ANKRD36C: variants seen among roughly 807,000 people sequenced by gnomAD.
The protein encoded by ANKRD36C is ankyrin repeat domain-containing protein 36C.
ANKRD36C carries 61 observed loss-of-function variants against 276.4 expected under a neutral mutation model. That is an observed-to-expected ratio of 0.22 (90% CI 0.18 to 0.27). The LOEUF (loss-of-function observed/expected upper bound fraction) is 0.27. Ranked by LOEUF, ANKRD36C falls within the 10% of genes least tolerant of loss-of-function variation. The pLI is 1.00. For missense variants in ANKRD36C, 1,447 were observed against 2,032.3 expected (o/e 0.71, Z 5.54); for synonymous variants, 483 against 680.1 (o/e 0.71, Z 4.51).
chr2:95,976,429 G>A (rs2104529377), intron 6 of ANKRD36C, among the ~76,000 whole-genome samples: 1 of 152,244 alleles, frequency 6.6e-6, no homozygotes, highest in East Asian at 1.9e-4. Context: ...TTTGGACAAG[G>A]TGGTTCCAGT....
At chr2:95,961,320 C>T (rs1678454802) in intron 8 of ANKRD36C, among the ~76,000 whole-genome samples, 1 of 151,974 alleles carries the variant, frequency 6.6e-6, no homozygotes, top group African/African-American at 2.4e-5. Flanking sequence ...GTTTCTTCAT[C>T]CACTCATGGC....
At chr2:95,892,463 C>T (rs1259049429) in intron 44 of ANKRD36C, among the ~76,000 whole-genome samples, 1 of 151,450 alleles carries the variant, frequency 6.6e-6, no homozygotes, top group Non-Finnish European at 1.5e-5. Context: ...AATAATCTGC[C>T]TAAGTTTCTT....
At chr2:95,914,486 C>T (rs1677032561) in intron 38 of ANKRD36C, among the ~76,000 whole-genome samples, 183 bp from the exon 41 acceptor site, 1 of 151,378 alleles carries the variant, frequency 6.6e-6, no homozygotes, top group Non-Finnish European at 1.5e-5. Context: ...GGAATACAGG[C>T]TCCATGAAAT....
intron 59 of ANKRD36C, among the ~76,000 whole-genome samples, chr2:95,871,465 A>T (rs372036024): frequency 1.3e-5 from 2 of 152,244 alleles, no homozygotes; most frequent in South Asian, 4.1e-4. Context: ...CAAGCAAATG[A>T]TGAGAGATTT....
At chr2:95,933,748 T>C (rs1045031452) in intron 24 of ANKRD36C, among the ~76,000 whole-genome samples, 2 of 152,286 alleles carry the variant, frequency 1.3e-5, no homozygotes, top group African/African-American at 4.8e-5. Context: ...TTCTTCCTAT[T>C]TGAATACCCT....
exon 61 of ANKRD36C, chr2:95,859,962 A>G (rs1402186656): frequency 6.5e-7 from 1 of 1,550,092 alleles, no homozygotes; most frequent in East Asian, 2.5e-5. Flanking sequence ...CACTAGCCTT[A>G]TTTTTCAGTT....
intron 20 of ANKRD36C, among the ~76,000 whole-genome samples, chr2:95,939,914 G>GCA (rs1677827743): frequency 6.7e-6 from 1 of 148,434 alleles, no homozygotes; most frequent in Non-Finnish European, 1.5e-5. Flanking sequence ...CAAAAAAAAA[G>GCA]TATGCATTAC....
Position 95,891,772 on chromosome 2 carries a change from A to T in ANKRD36C, c.2785-35T>A, listed in dbSNP as rs771914344. ...ATTTGAAATGAAATAATAAATTAATAAAGTATGTTTCATAGACTATACATT... is the reference window on the plus strand; with the variant it reads ...ATTTGAAATGAAATAATAAATTAATTAAGTATGTTTCATAGACTATACATT... On this transcript the variant is annotated intron_variant, in intron 45 of 66. Coordinates refer to ENST00000456556, the Ensembl canonical transcript of ANKRD36C. 45 of 1,562,486 alleles carry T rather than the reference A, an allele frequency of 2.9e-5. No individual in the cohort carries two copies. In the South Asian group the frequency reaches 5.2e-4, roughly 18 times the overall value.
intron 40 of ANKRD36C, 115 bp from the exon 43 acceptor site, chr2:95,912,550 T>G: frequency 1.3e-6 from 2 of 1,557,036 alleles, no homozygotes; most frequent in Admixed American, 3.7e-5. Flanking sequence ...GTGGAGGCTT[T>G]GATGGCTTCT....
intron 44 of ANKRD36C, among the ~76,000 whole-genome samples, chr2:95,898,457 TGTATC>T (rs1676622090): frequency 8.2e-6 from 1 of 121,286 alleles, no homozygotes; most frequent in Non-Finnish European, 1.8e-5. Flanking sequence ...CAACAAAACA[TGTATC>T]TCTGATGCCT....
chr2:95,969,740 G>C (rs1678661919), intron 6 of ANKRD36C, among the ~76,000 whole-genome samples: 1 of 152,024 alleles, frequency 6.6e-6, no homozygotes, highest in Admixed American at 6.6e-5. Context: ...TTATCACATA[G>C]CCATTTTATC....
At chr2:95,849,026 T>C (rs1675231998), downstream of ANKRD36C, among the ~76,000 whole-genome samples, 1 of 152,112 alleles carries the variant, frequency 6.6e-6, no homozygotes, top group Non-Finnish European at 1.5e-5. Flanking sequence ...ACAATTTTAT[T>C]GTCTTTTAGA....
intron 26 of ANKRD36C, 112 bp downstream of exon 26, chr2:95,928,960 A>G (rs973172273): frequency 2.0e-5 from 30 of 1,512,478 alleles, no homozygotes; most frequent in African/African-American, 2.8e-5. Context: ...AATCTCAGGC[A>G]TACTGAATCA....
At position 95,908,393 on chromosome 2, in the gene ANKRD36C, G is replaced by C. The variant is rs895661480; in HGVS notation, c.2653+3851C>G. Reference sequence around the variant, plus strand: ...ATTTGAAATGAAGAATCTCAGGACTGCTGAATCAGAATGTGCAGCTTCAAC... The same window carrying C: ...ATTTGAAATGAAGAATCTCAGGACTCCTGAATCAGAATGTGCAGCTTCAAC... On this transcript the variant is annotated intron_variant, in intron 42 of 66. Transcript: ENST00000456556. 6.7e-6 allele frequency: 8 copies of C among 1,192,838 alleles called. No individual in the cohort carries two copies. In the Admixed American group the frequency reaches 1.1e-4, roughly 16 times the overall value. The allele number at this position is 1,192,838 out of a possible 1,614,324, so 73.9% of individuals were successfully genotyped here.
intron 14 of ANKRD36C, 94 bp downstream of exon 14, chr2:95,953,845 A>G: frequency 2.4e-6 from 3 of 1,231,568 alleles, no homozygotes; most frequent in Non-Finnish European, 3.3e-6. Flanking sequence ...AACATAAAAC[A>G]ATGATAGGTA....
At chr2:95,986,480 TC>T (rs1372720137) in intron 3 of ANKRD36C, 1 of 387,310 alleles carries the variant, frequency 2.6e-6, no homozygotes, top group Non-Finnish European at 4.5e-6. Flanking sequence ...CTATTACCTT[TC>T]CCAAATTCAG....
chr2:95,880,461 G>A (rs1276254160), exon 58 of ANKRD36C: 4 of 1,555,666 alleles, frequency 2.6e-6, no homozygotes, highest in African/African-American at 1.4e-5. Context: ...TCATTTTGGT[G>A]GCTGTATTCA....
At chr2:95,928,675 G>A in intron 26 of ANKRD36C, among the ~76,000 whole-genome samples, 1 of 151,314 alleles carries the variant, frequency 6.6e-6, no homozygotes, top group Non-Finnish European at 1.5e-5. Context: ...CAGTGTTTAT[G>A]GAGTTATTAG....
chr2:95,979,297 T>A (rs942359364), intron 5 of ANKRD36C, among the ~76,000 whole-genome samples: 1 of 151,960 alleles, frequency 6.6e-6, no homozygotes, highest in African/African-American at 2.4e-5. Context: ...AAATATGAAA[T>A]GCTTCACCAT....
Sources: gnomAD v4.1 joint callset for allele counts (sites outside exome capture counted in the v4.1 genomes callset) on GRCh38, gnomAD v4.1.1 for gene constraint, MANE v1.5 for transcripts, NCBI Gene and HGNC (gene_info 2026-07-23, HGNC 2026-07-21) for gene names.